PDGFRB: variants seen among roughly 807,000 people sequenced by gnomAD.
PDGFRB encodes the protein platelet-derived growth factor receptor beta.
In PDGFRB, 42 loss-of-function variants were observed where a neutral mutation model predicts 120.2. The observed-to-expected ratio is 0.35, with a 90% CI of 0.27 to 0.45. The LOEUF is 0.45. Ranked by LOEUF, PDGFRB falls within the 20% of genes least tolerant of loss-of-function variation. The probability of loss-of-function intolerance (pLI) is 1.00; values close to 1 mark genes in which losing one functional copy is unlikely to be tolerated. For synonymous variants in PDGFRB, 586 were observed against 606.8 expected, an observed-to-expected ratio of 0.97 and a Z score of 0.50; for missense variants, 1,149 against 1,476.3, an observed-to-expected ratio of 0.78 and a Z score of 3.63.
chr5:150,143,401 C>G (rs1319897789), intron 1 of PDGFRB, among the ~76,000 whole-genome samples: 1 of 152,096 alleles, frequency 6.6e-6, no homozygotes, highest in African/African-American at 2.4e-5. Flanking sequence ...CTGTGGCCCT[C>G]AGGGCTCCAC....
intron 10 of PDGFRB, 29 bp downstream of exon 10, chr5:150,129,728 G>T (rs761017782): frequency 6.3e-7 from 1 of 1,575,570 alleles, no homozygotes. Flanking sequence ...GATTGGGATC[G>T]TCAGGGGCCA....
rs1176940233 is a variant in PDGFRB, at chr5:150,114,712, T to C, written c.*1051A>G. On this transcript the variant is annotated 3_prime_UTR_variant, in exon 23 of 23. Coordinates refer to ENST00000261799, the MANE Select transcript of PDGFRB (RefSeq NM_002609.4). ...TGACCCCCAGGATGGAAGTTTAGGG[T>C]ATATGGCCTTGCTTCATCTGGACAA... 4.3e-6 allele frequency: 1 copy of C among 233,508 alleles called. No individual in the cohort carries two copies. The highest frequency in any genetic ancestry group is 8.5e-6 in the Non-Finnish European group (1 of 118,014). The allele number at this position is 233,508 out of a possible 1,614,324, so 14.5% of individuals were successfully genotyped here. A position where few individuals can be genotyped will look rare whatever the true frequency, so the allele number is the denominator to read the frequency against.
chr5:150,141,057 A>C (rs765606765), intron 1 of PDGFRB, among the ~76,000 whole-genome samples: 6 of 152,212 alleles, frequency 3.9e-5, no homozygotes, highest in Non-Finnish European at 7.3e-5. Flanking sequence ...CACACAGCAC[A>C]GATGCACAGA....
At chr5:150,135,397 C>T (rs1760593542) in intron 3 of PDGFRB, among the ~76,000 whole-genome samples, 158 bp downstream of exon 3, 1 of 152,046 alleles carries the variant, frequency 6.6e-6, no homozygotes, top group South Asian at 2.1e-4. Context: ...GGAGTGGGTG[C>T]GAACACACTC....
chr5:150,150,212 G>A (rs1185928127), intron 1 of PDGFRB, among the ~76,000 whole-genome samples: 3 of 152,270 alleles, frequency 2.0e-5, no homozygotes, highest in African/African-American at 7.2e-5. Flanking sequence ...TAAAGACCCA[G>A]CACCTGTGGT....
In PDGFRB at chr5:150,114,544, G is replaced by T; in HGVS notation, c.*1219C>A. The T allele has an allele frequency of 4.3e-6, 1 of 233,316 alleles. No homozygotes were observed. The allele number at this position is 233,316 out of a possible 1,614,324, so 14.5% of individuals were successfully genotyped here. On this transcript the variant is annotated 3_prime_UTR_variant, in exon 23 of 23. Coordinates refer to ENST00000261799, the MANE Select transcript of PDGFRB (RefSeq NM_002609.4). ...CCCATGTCCCTGGGGCAGCTGCTGG[G>T]GGCTTTCCAGGACACCGGCTGTCAC...
At chr5:150,117,549 C>CGCGCGCGT (rs1759993262) in intron 22 of PDGFRB, 69 bp downstream of exon 22, 1 of 552,938 alleles carries the variant, frequency 1.8e-6, no homozygotes, top group African/African-American at 6.4e-5. Context: ...CGCGCGCACA[C>CGCGCGCGT]ACACACACAC....
Position 150,135,643 on chromosome 5 carries a change from C to A in PDGFRB, c.276G>T (p.Gly92=). The stretch of plus-strand genomic sequence containing the variant: ...TGCAAAAGTATTCTCCCGTGTCTAG[C>A]CCAGTGAGGTTGGTCAGTGTGAGCA... ...SSVLTLTNLT[G]LDTGEYFCTH... is the part of the protein sequence containing the mutation. The change falls in exon 3 of 23, where the codon GGG becomes GGT. Residue 92 remains glycine (G), a synonymous_variant. Coordinates refer to ENST00000261799, the MANE Select transcript of PDGFRB (RefSeq NM_002609.4). The A allele has an allele frequency of 6.2e-7, 1 of 1,613,898 alleles. No individual in the cohort carries two copies. Among genetic ancestry groups the A allele is most frequent in the Non-Finnish European group, 8.5e-7 (1 of 1,179,786 alleles).
chr5:150,125,723 T>C, intron 11 of PDGFRB, 146 bp from the exon 12 acceptor site: 1 of 669,954 alleles, frequency 1.5e-6, no homozygotes, highest in Non-Finnish European at 2.4e-6. Flanking sequence ...CAGCAAGTGC[T>C]CAACTGAGCC....
In PDGFRB at chr5:150,122,017, C is replaced by A. The variant is rs1319346549; in HGVS notation, c.2207G>T (p.Ser736Ile). The change falls in exon 16 of 23, where the codon AGC becomes ATC. Residue 736 changes from serine to isoleucine, a missense_variant. Transcript: ENST00000261799. Reference sequence around the variant, plus strand: ...GCTCATGTCCATGTAGCCACCGTCGCTCTCCCCGGTCAAGGACACATGGCT... The same window carrying A: ...GCTCATGTCCATGTAGCCACCGTCGATCTCCCCGGTCAAGGACACATGGCT... ...LPSHVSLTGE[S>I]DGGYMDMSKD... is the part of the protein sequence containing the mutation. 1 of 1,613,562 alleles carries A rather than the reference C, an allele frequency of 6.2e-7. No individual in the cohort carries two copies. Among genetic ancestry groups the A allele is most frequent in the Non-Finnish European group, 8.5e-7 (1 of 1,179,980 alleles).
chr5:150,125,634 A>G, intron 11 of PDGFRB, 57 bp from the exon 12 acceptor site: 1 of 1,587,670 alleles, frequency 6.3e-7, no homozygotes, highest in Non-Finnish European at 8.6e-7. Context: ...CCTGAGCCCC[A>G]TTAGGTTCGT....
At chr5:150,139,809 G>A (rs1011580868) in intron 1 of PDGFRB, among the ~76,000 whole-genome samples, 1 of 151,940 alleles carries the variant, frequency 6.6e-6, no homozygotes, top group Non-Finnish European at 1.5e-5. Flanking sequence ...GTGAAACCCC[G>A]TCTCTACTAA....
Position 150,121,829 on chromosome 5 carries a change from A to C in PDGFRB, c.2344+51T>G. 1.2e-5 allele frequency: 17 copies of C among 1,397,658 alleles called. No homozygotes were observed. Among genetic ancestry groups the C allele is most frequent in the East Asian group, 2.3e-5 (1 of 43,584 alleles). 86.6% of individuals were successfully genotyped at this position (1,397,658 alleles called of 1,614,324 possible). On this transcript the variant is annotated intron_variant, in intron 16 of 22. Transcript: ENST00000261799. The surrounding 1 kb of genome is among the most constrained non-coding windows in gnomAD (Gnocchi z 4.1). ...GTTTTTGGCAAGGCTGGGCATGTGAAGAGCATCAGCCTGTTTGGATGTGGG... is the reference window on the plus strand; with the variant it reads ...GTTTTTGGCAAGGCTGGGCATGTGACGAGCATCAGCCTGTTTGGATGTGGG...
At chr5:150,139,528 G>A (rs1760724497) in intron 1 of PDGFRB, among the ~76,000 whole-genome samples, 1 of 152,114 alleles carries the variant, frequency 6.6e-6, no homozygotes, top group Non-Finnish European at 1.5e-5. Flanking sequence ...CTAGTAAGCA[G>A]GAGGGGGCTA....
chr5:150,135,477 A>G (rs1412231082), intron 3 of PDGFRB, 78 bp downstream of exon 3: 3 of 901,278 alleles, frequency 3.3e-6, no homozygotes, highest in African/African-American at 3.3e-5. Context: ...AATAAACTAA[A>G]GCACTCTCTG....
chr5:150,124,745 C>T lies in PDGFRB; in HGVS notation c.1894G>A (p.Ala632Thr). 6.3e-7 allele frequency: 1 copy of T among 1,575,900 alleles called. No individual in the cohort carries two copies. The highest frequency in any genetic ancestry group is 8.7e-7 in the Non-Finnish European group (1 of 1,147,210). The change falls in exon 13 of 23, where the codon GCC becomes ACC. Residue 632 changes from alanine (A) to threonine (T), a missense_variant. Ala to Thr is a moderately conservative substitution (Grantham distance 58). Coordinates refer to ENST00000261799, the MANE Select transcript of PDGFRB (RefSeq NM_002609.4). ...TACTCACATTTAAGCATCTTGACGG[C>T]CACTTTCATCGTGGCCTGAGAATGG... ...LSHSQATMKVAVKMLKSTARS... is the reference protein window; with the variant it reads ...LSHSQATMKVTVKMLKSTARS...
At chr5:150,139,541 T>C (rs1217041044) in intron 1 of PDGFRB, among the ~76,000 whole-genome samples, 1 of 152,120 alleles carries the variant, frequency 6.6e-6, no homozygotes, top group Non-Finnish European at 1.5e-5. Context: ...GGGGGCTACA[T>C]TCCTGAGGCT....
chr5:150,144,889 C>A (rs1760878471), intron 1 of PDGFRB, among the ~76,000 whole-genome samples: 1 of 152,198 alleles, frequency 6.6e-6, no homozygotes, highest in African/African-American at 2.4e-5. Flanking sequence ...AGTCCCCCCA[C>A]CCACCCCGGC....
At chr5:150,118,888 A>G (rs748731656) in intron 20 of PDGFRB, 36 bp from the exon 21 acceptor site, 1 of 1,315,770 alleles carries the variant, frequency 7.6e-7, no homozygotes, top group South Asian at 1.2e-5. Context: ...CCTCTGGCCC[A>G]GGGTTCAGGG....
Sources: allele counts gnomAD v4.1 joint callset (sites outside exome capture counted in the v4.1 genomes callset), GRCh38; gene constraint gnomAD v4.1.1; non-coding constraint Gnocchi (gnomAD v3.1); transcripts MANE v1.5; gene names NCBI Gene and HGNC (gene_info 2026-07-23, HGNC 2026-07-21).